Variants in MSRB3 observed in about 807,000 individuals in gnomAD.
MSRB3 encodes methionine-R-sulfoxide reductase B3.
A neutral mutation model predicts 21.0 loss-of-function variants in MSRB3; 13 were observed. That is an observed-to-expected ratio of 0.62 (90% CI 0.40 to 0.98). The LOEUF (loss-of-function observed/expected upper bound fraction) is 0.98. Ranked by LOEUF, MSRB3 falls within the 50% of genes least tolerant of loss-of-function variation. The probability of loss-of-function intolerance (pLI) is 0.00; values close to 1 mark genes in which losing one functional copy is unlikely to be tolerated. For missense variants in MSRB3, 199 were observed against 230.3 expected (o/e 0.86, Z 0.88); for synonymous variants, 87 against 88.6 (o/e 0.98, Z 0.10).
rs762041398 is a variant in MSRB3 at position 65,404,959 on chromosome 12, C to CT, written c.292+35948dup. On this transcript the variant is annotated intron_variant, in intron 5 of 6. Transcript: ENST00000308259. Reference sequence around the variant, plus strand: ...CCCTGATAACTAACCTTCTACTCAACTTTTTTTTTTTTTTTAGACAGAGTC... The same window carrying CT: ...CCCTGATAACTAACCTTCTACTCAACTTTTTTTTTTTTTTTTAGACAGAGTC... Among the ~76,000 whole-genome samples, 795 of 142,230 alleles carry CT rather than the reference C, an allele frequency of 5.6e-3. 1 individual carries two copies. The highest frequency in any genetic ancestry group is 0.013 in the African/African-American group (496 of 39,040). 93.3% of individuals were successfully genotyped at this position (142,230 alleles called of 152,430 possible). A position where few individuals can be genotyped will look rare whatever the true frequency, so the allele number is the denominator to read the frequency against.
At chr12:65,323,084 G>A (rs936596855) in intron 2 of MSRB3, among the ~76,000 whole-genome samples, 6 of 152,260 alleles carry the variant, frequency 3.9e-5, no homozygotes, top group African/African-American at 1.4e-4. Flanking sequence ...TTTAACCTCA[G>A]AATTCACTGT....
intron 1 of MSRB3, among the ~76,000 whole-genome samples, chr12:65,282,827 A>G (rs1415037003): frequency 2.0e-5 from 3 of 152,150 alleles, no homozygotes; most frequent in Non-Finnish European, 2.9e-5. Context: ...TTTAGGTCAC[A>G]TGGTTGACCT....
intron 4 of MSRB3, among the ~76,000 whole-genome samples, chr12:65,360,222 A>T (rs528795562): frequency 6.9e-4 from 105 of 152,248 alleles, no homozygotes; most frequent in African/African-American, 2.5e-3. Flanking sequence ...TAGGGGTTAA[A>T]ATATCAACAT....
At chr12:65,437,169 TAAGGGGCCA>T (rs987314904) in intron 5 of MSRB3, among the ~76,000 whole-genome samples, 1 of 151,826 alleles carries the variant, frequency 6.6e-6, no homozygotes, top group Non-Finnish European at 1.5e-5. Context: ...CCCCGTGGAC[TAAGGGGCCA>T]GAGAGCAGTG....
chr12:65,288,307 C>CA (rs921177297), intron 1 of MSRB3, among the ~76,000 whole-genome samples: 2,013 of 63,488 alleles, frequency 0.032, 40 homozygotes, highest in African/African-American at 0.085. Context: ...GTCCCCCCCG[C>CA]AAAAAAAAAA....
At chr12:65,453,385 C>T (rs529354493) in intron 5 of MSRB3, among the ~76,000 whole-genome samples, 3 of 152,264 alleles carry the variant, frequency 2.0e-5, no homozygotes, top group African/African-American at 7.2e-5. Context: ...CATAGTGCTT[C>T]AGGGCCATGC....
intron 5 of MSRB3, among the ~76,000 whole-genome samples, chr12:65,433,372 A>T (rs901047187): frequency 3.3e-5 from 5 of 151,830 alleles, no homozygotes; most frequent in Non-Finnish European, 7.4e-5. Context: ...CCAGAAAAAA[A>T]CTTCATCTTT....
At chr12:65,438,809 CTTTG>C (rs555158532) in intron 5 of MSRB3, among the ~76,000 whole-genome samples, 128 of 151,746 alleles carry the variant, frequency 8.4e-4, no homozygotes, top group African/African-American at 2.7e-3. Context: ...GCAGATAATT[CTTTG>C]TTTGTGAGCA....
chr12:65,375,852 T>C (rs935487147), intron 5 of MSRB3, among the ~76,000 whole-genome samples: 3 of 152,076 alleles, frequency 2.0e-5, no homozygotes, highest in Admixed American at 1.3e-4. Flanking sequence ...TATTAATGTT[T>C]TTCAGTTTTA....
At chr12:65,383,974 T>C (rs1234412064) in intron 5 of MSRB3, among the ~76,000 whole-genome samples, 2 of 152,188 alleles carry the variant, frequency 1.3e-5, no homozygotes, top group Non-Finnish European at 2.9e-5. Flanking sequence ...ATTTTAAATG[T>C]AGAGATATGC....
chr12:65,440,225 A>T (rs151170407), intron 5 of MSRB3, among the ~76,000 whole-genome samples: 9 of 151,960 alleles, frequency 5.9e-5, no homozygotes, highest in Non-Finnish European at 1.0e-4. Context: ...AAAATATAGG[A>T]TACTGTATGT....
chr12:65,439,526 G>T (rs530150252), intron 5 of MSRB3, among the ~76,000 whole-genome samples: 1 of 151,592 alleles, frequency 6.6e-6, no homozygotes, highest in Admixed American at 6.6e-5. Flanking sequence ...TATCATGTAT[G>T]TGGCTACAAG....
At chr12:65,398,394 C>T (rs1438186991) in intron 5 of MSRB3, among the ~76,000 whole-genome samples, 4 of 152,048 alleles carry the variant, frequency 2.6e-5, no homozygotes, top group Admixed American at 1.3e-4. Flanking sequence ...GTTTGTTGGC[C>T]GCATAAATGT....
intron 1 of MSRB3, chr12:65,279,123 C>T (rs2136376336): frequency 2.2e-6 from 3 of 1,350,652 alleles, no homozygotes; most frequent in South Asian, 3.2e-5. Context: ...GGCAGCCTCA[C>T]TGACACCTTA....
intron 4 of MSRB3, among the ~76,000 whole-genome samples, chr12:65,337,268 C>A (rs531913138): frequency 0.036 from 5,324 of 148,232 alleles, 318 homozygotes; most frequent in African/African-American, 0.13. Flanking sequence ...CAAAACAAAA[C>A]AAAAAAAAAC....
At chr12:65,326,570 T>A (rs1158153133) in intron 2 of MSRB3, among the ~76,000 whole-genome samples, 1 of 152,224 alleles carries the variant, frequency 6.6e-6, no homozygotes, top group Non-Finnish European at 1.5e-5. Context: ...GATCAGTGAA[T>A]TTTTAGTATC....
chr12:65,294,682 A>G (rs1296572651), intron 1 of MSRB3, among the ~76,000 whole-genome samples: 1 of 152,166 alleles, frequency 6.6e-6, no homozygotes, highest in Non-Finnish European at 1.5e-5. Context: ...ATGAGACATT[A>G]TTTTTAATAG....
chr12:65,392,787 T>C (rs1592593949), intron 5 of MSRB3, among the ~76,000 whole-genome samples: 1 of 152,232 alleles, frequency 6.6e-6, no homozygotes, highest in Admixed American at 6.5e-5. Context: ...GTTCTGTTTC[T>C]TCCATTTCAT....
At chr12:65,328,476 T>C (rs1293674169) in intron 3 of MSRB3, 50 bp from the exon 4 acceptor site, 2 of 1,300,028 alleles carry the variant, frequency 1.5e-6, no homozygotes, top group South Asian at 1.2e-5. Context: ...ATACATTCTG[T>C]AAGAAATAAT....
Sources: gnomAD v4.1 joint callset for allele counts (sites outside exome capture counted in the v4.1 genomes callset) on GRCh38, gnomAD v4.1.1 for gene constraint, MANE v1.5 for transcripts, NCBI Gene and HGNC (gene_info 2026-07-23, HGNC 2026-07-21) for gene names.